The following CENPN variants were observed in gnomAD, a reference collection of about 807,000 sequenced individuals.
The protein encoded by CENPN is centromere protein N, also known as interphase centromere complex protein 32.
CENPN carries 36 observed loss-of-function variants against 48.6 expected under a neutral mutation model. The ratio of observed to expected loss-of-function variants is 0.74; its 90% CI spans 0.57 to 0.98. The LOEUF (loss-of-function observed/expected upper bound fraction) is 0.98. Among genes scored for constraint, CENPN ranks in the 50% least tolerant of loss-of-function variants. The pLI is 0.00. For missense variants in CENPN, 439 were observed against 399.2 expected, an observed-to-expected ratio of 1.10 and a Z score of -0.85; for synonymous variants, 166 against 135.2, an observed-to-expected ratio of 1.23 and a Z score of -1.58.
intron 6 of CENPN, chr16:81,020,509 A>C (rs1970136519): frequency 2.6e-6 from 1 of 382,246 alleles, no homozygotes; most frequent in Non-Finnish European, 4.6e-6. Flanking sequence ...CCTCTAAAAA[A>C]ACAAAAAAAA....
chr16:81,023,186 T>A, intron 7 of CENPN: 1 of 303,296 alleles, frequency 3.3e-6, no homozygotes, highest in Non-Finnish European at 6.3e-6. Context: ...AATACAGATC[T>A]GTCCTTACAG....
intron 1 of CENPN, among the ~76,000 whole-genome samples, chr16:81,011,164 G>A (rs1316308672): frequency 6.6e-6 from 1 of 152,116 alleles, no homozygotes; most frequent in Non-Finnish European, 1.5e-5. Flanking sequence ...TCTTGCCTCA[G>A]GACTTTTGCA....
At position 81,018,639 on chromosome 16, in the gene CENPN, C is replaced by G. The variant is rs373151897; in HGVS notation, c.354+805C>G. Among the ~76,000 whole-genome samples the G allele has an allele frequency of 6.0e-4, 91 of 152,266 alleles. 4 individuals carry two copies. In the South Asian group the frequency reaches 0.016, roughly 27 times the overall value. ...AAGCTATTCAGAATAAGACAATCTT[C>G]CATTCAAGGCAGTAGAGGCCCACTG... On this transcript the variant is annotated intron_variant, in intron 5 of 10. Coordinates refer to ENST00000305850, the MANE Select transcript of CENPN (RefSeq NM_001100624.3).
At chr16:81,009,830 C>T (rs1021108137) in intron 1 of CENPN, among the ~76,000 whole-genome samples, 1 of 152,214 alleles carries the variant, frequency 6.6e-6, no homozygotes, top group Non-Finnish European at 1.5e-5. Flanking sequence ...ATGCCAAGGT[C>T]TGTGTGTGCC....
chr16:81,026,747 C>G, intron 9 of CENPN, 109 bp downstream of exon 9: 2 of 500,080 alleles, frequency 4.0e-6, no homozygotes, highest in Non-Finnish European at 7.2e-6. Flanking sequence ...TCACTTGTCA[C>G]TTAAATTTCA....
intron 9 of CENPN, among the ~76,000 whole-genome samples, chr16:81,027,343 C>G (rs963492149): frequency 3.3e-5 from 5 of 151,970 alleles, no homozygotes; most frequent in Non-Finnish European, 5.9e-5. Context: ...TTCAAAAATA[C>G]AAGGTGTGGT....
chr16:81,027,507 G>A (rs1357621045), intron 9 of CENPN, among the ~76,000 whole-genome samples: 1 of 152,124 alleles, frequency 6.6e-6, no homozygotes, highest in Non-Finnish European at 1.5e-5. Flanking sequence ...AGAAATCTCA[G>A]TGTGACTCAA....
chr16:81,029,276 A>G lies in CENPN; in HGVS notation c.*625A>G, dbSNP rs570066534. 5.5e-6 allele frequency: 5 copies of G among 912,162 alleles called. No individual in the cohort carries two copies. The African/African-American group carries it at 9.0e-5, about 16-fold the overall frequency. 56.5% of individuals were successfully genotyped at this position (912,162 alleles called of 1,614,324 possible). A position where few individuals can be genotyped will look rare whatever the true frequency, so the allele number is the denominator to read the frequency against. ...ATGTGTATAACATTCAAACTGACAA[A>G]TATATTGACTTATGAATAAAGGTGT... On this transcript the variant is annotated 3_prime_UTR_variant, in exon 11 of 11. Coordinates refer to ENST00000305850, the MANE Select transcript of CENPN (RefSeq NM_001100624.3).
At position 81,022,595 on chromosome 16, in the gene CENPN, A is replaced by G; in HGVS notation, c.532-2A>G. The G allele has an allele frequency of 6.2e-7, 1 of 1,613,636 alleles. No individual in the cohort carries two copies. The highest frequency in any genetic ancestry group is 1.1e-5 in the South Asian group (1 of 91,050). On this transcript the variant is annotated splice_acceptor_variant, in intron 6 of 10. Coordinates refer to ENST00000305850, the MANE Select transcript of CENPN (RefSeq NM_001100624.3). LOFTEE classifies it high-confidence loss of function. ...AATAGTCTTGCAAATTTTCATTTCA[A>G]GGCGCTGACAATTGCTAGCAAACAC...
At chr16:81,018,386 C>T (rs1226492078) in intron 5 of CENPN, among the ~76,000 whole-genome samples, 1 of 152,054 alleles carries the variant, frequency 6.6e-6, no homozygotes, top group Non-Finnish European at 1.5e-5. Context: ...GTTGACCAGG[C>T]TGGTCTCGAA....
At chr16:81,022,733 C>A in intron 7 of CENPN, 35 bp downstream of exon 7, 1 of 1,614,060 alleles carries the variant, frequency 6.2e-7, no homozygotes. Flanking sequence ...AAAGGTAAAT[C>A]TTTATTTTCT....
intron 1 of CENPN, among the ~76,000 whole-genome samples, chr16:81,007,610 G>A (rs776602850): frequency 6.6e-6 from 1 of 152,184 alleles, no homozygotes; most frequent in Non-Finnish European, 1.5e-5. Context: ...CAGAGTTGGG[G>A]TTTTGCTTTT....
intron 8 of CENPN, 105 bp downstream of exon 8, chr16:81,024,883 T>C (rs1021821014): frequency 4.6e-6 from 3 of 656,180 alleles, no homozygotes; most frequent in Admixed American, 3.2e-5. Flanking sequence ...TTTAAAACTT[T>C]TATTGTTTTC....
At chr16:81,017,041 GAATGGAATAAATGGAATGTGGA>G (rs947800264) in intron 3 of CENPN, 6 of 287,508 alleles carry the variant, frequency 2.1e-5, no homozygotes, top group East Asian at 1.2e-4. Context: ...GCATTCTGTG[GAATGGAATAAATGGAATGTGGA>G]AATGGAATAA....
At chr16:81,032,553 T>A (rs770589836), downstream of CENPN, 73 of 1,555,764 alleles carry the variant, frequency 4.7e-5, no homozygotes, top group African/African-American at 7.2e-4. Context: ...TGATTTTCAG[T>A]GTTTTTTTTT....
chr16:81,026,404 G>A (rs909042558), intron 8 of CENPN, 122 bp from the exon 9 acceptor site: 4 of 438,878 alleles, frequency 9.1e-6, no homozygotes, highest in Non-Finnish European at 1.7e-5. Flanking sequence ...GCCAAGAGAA[G>A]AAGCAGTAAA....
At chr16:81,032,284 C>G (rs1464892229), downstream of CENPN, among the ~76,000 whole-genome samples, 1 of 152,210 alleles carries the variant, frequency 6.6e-6, no homozygotes, top group East Asian at 1.9e-4. Context: ...GCCCCTCAGG[C>G]TCATTCAGAT....
At chr16:81,019,712 A>G (rs1970093405) in intron 5 of CENPN, among the ~76,000 whole-genome samples, 1 of 151,756 alleles carries the variant, frequency 6.6e-6, no homozygotes, top group Non-Finnish European at 1.5e-5. Flanking sequence ...ACAAAAAAAA[A>G]CTTTTTTAAA....
rs980059691 is a variant in CENPN at position 81,030,415 on chromosome 16, C to G, written c.*1764C>G. The G allele has an allele frequency of 3.0e-6, 3 of 984,660 alleles. No individual in the cohort carries two copies. The highest frequency in any genetic ancestry group is 1.8e-5 in the African/African-American group (1 of 57,134). 61.0% of individuals were successfully genotyped at this position (984,660 alleles called of 1,614,324 possible). On this transcript the variant is annotated 3_prime_UTR_variant, in exon 11 of 11. Transcript: ENST00000305850. ...CAGATATGTGGGGGAGGGGGTTTCC[C>G]CCACACATTAAGCAAGTGTGAAACA...
Sources: allele counts gnomAD v4.1 joint callset (sites outside exome capture counted in the v4.1 genomes callset), GRCh38; gene constraint gnomAD v4.1.1; transcripts MANE v1.5; gene names NCBI Gene and HGNC (gene_info 2026-07-23, HGNC 2026-07-21).